PAX8: variants seen among roughly 807,000 people sequenced by gnomAD.
PAX8 encodes the protein paired box protein Pax-8.
Under a neutral mutation model 52.4 loss-of-function variants are expected in PAX8, and 15 were observed. The ratio of observed to expected loss-of-function variants is 0.29; its 90% confidence interval spans 0.19 to 0.44. PAX8 has a LOEUF of 0.44. Ranked by LOEUF, PAX8 falls within the 20% of genes least tolerant of loss-of-function variation. PAX8 has a pLI of 1.00. For synonymous variants in PAX8, 284 were observed against 249.7 expected (o/e 1.14, Z -1.29); for missense variants, 554 against 602.5 (o/e 0.92, Z 0.84).
chr2:113,235,324 C>G, intron 9 of PAX8, 70 bp downstream of exon 9: 3 of 1,312,638 alleles, frequency 2.3e-6, no homozygotes, highest in Non-Finnish European at 3.1e-6. Flanking sequence ...AGGGGGCTGG[C>G]GGTCTGCCCT....
chr2:113,259,652 A>T (rs1389130599), intron 2 of PAX8: 1 of 152,568 alleles, frequency 6.6e-6, no homozygotes, highest in Non-Finnish European at 1.5e-5. Flanking sequence ...TCCTCTGTTG[A>T]TAGCCTAGAG....
At chr2:113,261,636 C>G (rs1411618893) in intron 2 of PAX8, among the ~76,000 whole-genome samples, 1 of 152,166 alleles carries the variant, frequency 6.6e-6, no homozygotes, top group Non-Finnish European at 1.5e-5. Flanking sequence ...GGTGAGCTGT[C>G]TAATGTCACA....
intron 4 of PAX8, 117 bp from the exon 5 acceptor site, chr2:113,242,895 C>T (rs1369212488): frequency 1.7e-5 from 13 of 747,730 alleles, no homozygotes; most frequent in Non-Finnish European, 2.9e-5. Context: ...GCACTTGAAA[C>T]TCAACTGTCC....
intron 3 of PAX8, among the ~76,000 whole-genome samples, chr2:113,245,129 C>T (rs756936946): frequency 4.0e-5 from 6 of 151,758 alleles, no homozygotes; most frequent in Non-Finnish European, 8.8e-5. Flanking sequence ...TCACTTCAAA[C>T]TCTGCCTCCC....
chr2:113,255,230 GGGGAGGAGGGAGGGGAGGAGGGA>G (rs1189484465), intron 2 of PAX8, among the ~76,000 whole-genome samples: 29 of 67,016 alleles, frequency 4.3e-4, no homozygotes, highest in East Asian at 6.3e-4. Context: ...GGAGGAGGGA[GGGGAGGAGGGAGGGGAGGAGGGA>G]GGGAGGAGGG....
At chr2:113,225,760 TTA>T (rs1241584378) in intron 10 of PAX8, 2 of 232,636 alleles carry the variant, frequency 8.6e-6, no homozygotes, top group Non-Finnish European at 1.4e-5. Flanking sequence ...GCCTTGTGCT[TTA>T]TGTTTCTTCC....
chr2:113,271,197 A>C (rs1005520130), intron 2 of PAX8: 3 of 152,226 alleles, frequency 2.0e-5, no homozygotes, highest in Non-Finnish European at 4.4e-5. Context: ...TGGGGCCCCC[A>C]GTGCTGGCCC....
At position 113,278,433 on chromosome 2, in the gene PAX8, C is replaced by T. The variant is rs749083123; in HGVS notation, c.-39G>A. The T allele has an allele frequency of 1.2e-6, 2 of 1,609,596 alleles. No homozygotes were observed. The highest frequency in any genetic ancestry group is 1.3e-5 in the African/African-American group (1 of 74,886). On this transcript the variant is annotated 5_prime_UTR_variant, in exon 2 of 12. Coordinates refer to ENST00000429538, the MANE Select transcript of PAX8 (RefSeq NM_003466.4). ...CTCGCAGCCCGCCGAGGGCTCGGGG[C>T]TTCCTCCCGTAGGTCCGGGCCGCGC...
At chr2:113,227,339 T>A (rs1415567033) in intron 9 of PAX8, 83 bp from the exon 10 acceptor site, 1 of 1,101,754 alleles carries the variant, frequency 9.1e-7, no homozygotes, top group East Asian at 2.6e-5. Context: ...GCTGTCTTCC[T>A]CCATGCCATT....
intron 7 of PAX8, chr2:113,237,661 A>G (rs1371124614): frequency 6.6e-6 from 1 of 152,112 alleles, no homozygotes; most frequent in African/African-American, 2.4e-5. Context: ...CTCCTTCCGA[A>G]AAGAACTTGT....
rs1048942 is a variant in PAX8, at chr2:113,220,116, G to A, written c.1252C>T (p.Arg418Cys). 44 of 1,613,658 alleles carry A rather than the reference G, an allele frequency of 2.7e-5. No individual in the cohort carries two copies. Among genetic ancestry groups the A allele is most frequent in the African/African-American group, 8.0e-5 (6 of 74,894 alleles). Residue 418 changes from arginine (R) to cysteine (C), a missense_variant, in exon 11 of 12, where the codon CGC (arginine) becomes TGC (cysteine). Physicochemically the swap from Arg to Cys is radical, Grantham distance 180. Coordinates refer to ENST00000429538, the MANE Select transcript of PAX8 (RefSeq NM_003466.4). ...CTCAGCAAGCTGGAGTTGGGGAAGC[G>A]CCAGGCCTCGCTGTAGGAGGAGTAG... ...TPYSSYSEAW[R>C]FPNSSLLSSP...
intron 7 of PAX8, 32 bp from the exon 8 acceptor site, chr2:113,236,753 A>C: frequency 6.5e-7 from 1 of 1,544,708 alleles, no homozygotes; most frequent in Non-Finnish European, 8.7e-7. Flanking sequence ...GCGCACAGAG[A>C]CGATCCAACA....
At chr2:113,266,387 T>A (rs895524294) in intron 2 of PAX8, 1 of 152,210 alleles carries the variant, frequency 6.6e-6, no homozygotes, top group Non-Finnish European at 1.5e-5. Context: ...AAATGACCAA[T>A]ACACATGTGC....
intron 5 of PAX8, 136 bp from the exon 6 acceptor site, chr2:113,242,266 C>T: frequency 1.5e-6 from 1 of 686,400 alleles, no homozygotes; most frequent in South Asian, 1.8e-5. Context: ...GGTGGGACAC[C>T]CCTTACAGCC....
intron 2 of PAX8, among the ~76,000 whole-genome samples, chr2:113,277,292 G>A (rs1412455669): frequency 6.6e-6 from 1 of 152,198 alleles, no homozygotes; most frequent in Non-Finnish European, 1.5e-5. Context: ...CCTCCTAGTT[G>A]GGCCATGGCC....
intron 2 of PAX8, among the ~76,000 whole-genome samples, chr2:113,277,900 C>T (rs1421876692): frequency 2.0e-5 from 3 of 152,126 alleles, no homozygotes; most frequent in East Asian, 3.9e-4. Context: ...GCTCCATTGC[C>T]GTTGGCTTGA....
In PAX8 at chr2:113,242,117, A is replaced by T. The variant is rs1332381563; in HGVS notation, c.492T>A (p.Ala164=). ...ACTGGGGTGACTCCGGGGGAGTTAC[A>T]GCTGAGCTGGGGACTGCAGTGGGGG... ...SPGHTLIPSS[A]VTPPESPQSD... The change falls in exon 6 of 12, where the codon GCT becomes GCA. Residue 164 remains alanine, a synonymous_variant. Transcript: ENST00000429538. The T allele has an allele frequency of 3.1e-6, 5 of 1,613,086 alleles. No individual in the cohort carries two copies. In the African/African-American group the frequency reaches 6.7e-5, roughly 22 times the overall value.
At chr2:113,231,145 G>A (rs1009768754) in intron 9 of PAX8, among the ~76,000 whole-genome samples, 5 of 152,080 alleles carry the variant, frequency 3.3e-5, no homozygotes, top group East Asian at 1.9e-4. Context: ...TCCTTATCTC[G>A]TTCTGATAGC....
intron 4 of PAX8, among the ~76,000 whole-genome samples, chr2:113,243,113 G>C (rs532506581): frequency 2.6e-5 from 4 of 152,176 alleles, no homozygotes; most frequent in Non-Finnish European, 4.4e-5. Context: ...CTCTCCATCA[G>C]CACCTTAGTG....
Sources: gnomAD v4.1 joint callset for allele counts (sites outside exome capture counted in the v4.1 genomes callset) on GRCh38, gnomAD v4.1.1 for gene constraint, MANE v1.5 for transcripts, NCBI Gene and HGNC (gene_info 2026-07-23, HGNC 2026-07-21) for gene names.